The following PRP4K variants were observed in gnomAD, a reference collection of about 807,000 sequenced individuals.
The protein encoded by PRP4K is serine/threonine-protein kinase PRP4 homolog.
chr6:4,022,583 A>G, the PRP4K span, among the ~76,000 whole-genome samples: 1 of 152,124 alleles, frequency 6.6e-6, no homozygotes, highest in African/African-American at 2.4e-5. Context: ...CTTTGCCACC[A>G]GACAACCTGA....
At chr6:4,056,639 A>C in the PRP4K span, 1 of 1,576,222 alleles carries the variant, frequency 6.3e-7, no homozygotes, top group Non-Finnish European at 8.6e-7. Context: ...GAGTAGCAAA[A>C]CAGTTGTGGA....
chr6:4,031,384 G>A, the PRP4K span, among the ~76,000 whole-genome samples: 1 of 152,154 alleles, frequency 6.6e-6, no homozygotes, highest in African/African-American at 2.4e-5. Flanking sequence ...ATCCAACTCA[G>A]TTCTTGCCGT....
the PRP4K span, among the ~76,000 whole-genome samples, chr6:4,054,017 C>A: frequency 6.6e-6 from 1 of 152,056 alleles, no homozygotes; most frequent in Non-Finnish European, 1.5e-5. Flanking sequence ...CCAAGCAGTT[C>A]TCCTGCCTCC....
chr6:4,038,788 A>G, the PRP4K span, among the ~76,000 whole-genome samples: 2 of 151,840 alleles, frequency 1.3e-5, no homozygotes, highest in Non-Finnish European at 1.5e-5. Context: ...TTCCCTTTTT[A>G]TAAAAAATGT....
At chr6:4,056,245 A>AT in the PRP4K span, 2 of 1,070,418 alleles carry the variant, frequency 1.9e-6, no homozygotes, top group African/African-American at 3.2e-5. Flanking sequence ...AAAACTTTTC[A>AT]AAGCCAATAA....
At chr6:4,048,228 A>T in the PRP4K span, among the ~76,000 whole-genome samples, 1 of 151,966 alleles carries the variant, frequency 6.6e-6, no homozygotes, top group Non-Finnish European at 1.5e-5. Context: ...AATACAAAAA[A>T]ATAAGCCGGA....
At chr6:4,044,796 C>A in the PRP4K span, among the ~76,000 whole-genome samples, 1 of 151,410 alleles carries the variant, frequency 6.6e-6, no homozygotes, top group Non-Finnish European at 1.5e-5. Flanking sequence ...CTTTACAGTT[C>A]CATATAGTGA....
chr6:4,039,529 G>A, the PRP4K span, among the ~76,000 whole-genome samples: 1 of 152,150 alleles, frequency 6.6e-6, no homozygotes, highest in Non-Finnish European at 1.5e-5. Context: ...TTTCCACTGA[G>A]TTGGGGAGGG....
At chr6:4,034,960 C>T in the PRP4K span, among the ~76,000 whole-genome samples, 1 of 152,040 alleles carries the variant, frequency 6.6e-6, no homozygotes, top group Non-Finnish European at 1.5e-5. Context: ...ATCCGCCCAC[C>T]TCGGCCTCCC....
the PRP4K span, chr6:4,056,706 A>G: frequency 3.3e-6 from 5 of 1,533,744 alleles, no homozygotes; most frequent in Non-Finnish European, 4.4e-6. Flanking sequence ...TATCACATTT[A>G]TGGATTGTAT....
chr6:4,021,495 G>C, the PRP4K span: 6 of 1,569,634 alleles, frequency 3.8e-6, no homozygotes, highest in East Asian at 9.3e-5. Flanking sequence ...TGGGCCAGAA[G>C]CTGGAGCCCG....
At chr6:4,049,762 G>A in the PRP4K span, 10 of 1,612,970 alleles carry the variant, frequency 6.2e-6, no homozygotes, top group South Asian at 2.2e-5. Flanking sequence ...CTAGATAAAC[G>A]TTACAATGTG....
chr6:4,024,813 G>T, the PRP4K span, among the ~76,000 whole-genome samples: 15 of 152,096 alleles, frequency 9.9e-5, no homozygotes, highest in Non-Finnish European at 1.3e-4. Context: ...ATATTGGCCA[G>T]GCTGGTCTCA....
the PRP4K span, among the ~76,000 whole-genome samples, chr6:4,042,923 ATAAAG>A: frequency 3.3e-5 from 5 of 152,242 alleles, no homozygotes; most frequent in African/African-American, 1.2e-4. Context: ...TACTGTGTGA[ATAAAG>A]TAAATATTTT....
At chr6:4,061,353 T>C in the PRP4K span, 3 of 152,704 alleles carry the variant, frequency 2.0e-5, no homozygotes, top group African/African-American at 7.2e-5. Context: ...GCTTGATGGA[T>C]AGAGCGCCTT....
At chr6:4,021,810 G>T in the PRP4K span, among the ~76,000 whole-genome samples, 1 of 152,162 alleles carries the variant, frequency 6.6e-6, no homozygotes, top group Non-Finnish European at 1.5e-5. Flanking sequence ...TGAGCTCCCT[G>T]GCCGCAGCTC....
At chr6:4,059,002 G>C in the PRP4K span, 173 of 508,142 alleles carry the variant, frequency 3.4e-4, no homozygotes, top group East Asian at 5.9e-3. Flanking sequence ...TGTTTTTCTA[G>C]CATAATTAAT....
chr6:4,052,696 C>G, the PRP4K span: 4 of 1,477,736 alleles, frequency 2.7e-6, no homozygotes, highest in Non-Finnish European at 2.7e-6. Flanking sequence ...ATTTTGTTTT[C>G]TTTTTTTAAT....
At chr6:4,046,397 C>G in the PRP4K span, among the ~76,000 whole-genome samples, 1 of 152,026 alleles carries the variant, frequency 6.6e-6, no homozygotes, top group East Asian at 1.9e-4. Flanking sequence ...AATGAGCATG[C>G]ATTCATATGG....
Sources: gnomAD v4.1 joint callset for allele counts (sites outside exome capture counted in the v4.1 genomes callset) on GRCh38, gnomAD v4.1.1 for gene constraint, MANE v1.5 for transcripts, NCBI Gene and HGNC (gene_info 2026-07-23, HGNC 2026-07-21) for gene names.